The following DLG2 variants were observed in gnomAD, a reference collection of about 807,000 sequenced individuals.
The protein encoded by DLG2 is disks large homolog 2.
DLG2 carries 45 observed loss-of-function variants against 132.5 expected under a neutral mutation model. The ratio of observed to expected loss-of-function variants is 0.34; its 90% CI spans 0.27 to 0.44. DLG2 has a LOEUF of 0.44. Ranked by LOEUF, DLG2 falls within the 20% of genes least tolerant of loss-of-function variation. The pLI, the probability that DLG2 is intolerant of heterozygous loss-of-function variation, is 1.00. For synonymous variants in DLG2, 424 were observed against 419.6 expected, an observed-to-expected ratio of 1.01 and a Z score of -0.13; for missense variants, 1,045 against 1,196.9, an observed-to-expected ratio of 0.87 and a Z score of 1.87.
chr11:84,200,704 T>C (rs2096580662), intron 8 of DLG2, among the ~76,000 whole-genome samples: 1 of 152,130 alleles, frequency 6.6e-6, no homozygotes, highest in Non-Finnish European at 1.5e-5. Context: ...ATTCTTTTTG[T>C]AGCAATTCTG....
intron 7 of DLG2, among the ~76,000 whole-genome samples, chr11:84,351,452 T>C (rs191530207): frequency 6.6e-6 from 1 of 152,322 alleles, no homozygotes; most frequent in East Asian, 1.9e-4. Flanking sequence ...GTAAACTTTA[T>C]ATAAATAAAT....
At chr11:84,175,009 G>A (rs1383517319) in intron 8 of DLG2, among the ~76,000 whole-genome samples, 2 of 152,096 alleles carry the variant, frequency 1.3e-5, no homozygotes, top group Non-Finnish European at 2.9e-5. Context: ...GCTTTCATAA[G>A]CAATGTGAAA....
chr11:84,490,789 C>A (rs2099162929), intron 7 of DLG2, among the ~76,000 whole-genome samples: 1 of 151,720 alleles, frequency 6.6e-6, no homozygotes, highest in South Asian at 2.1e-4. Context: ...CAAATGGTGC[C>A]CAGTTTTCTT....
intron 6 of DLG2, among the ~76,000 whole-genome samples, chr11:84,824,600 C>T (rs1402992427): frequency 6.6e-6 from 1 of 151,882 alleles, no homozygotes; most frequent in Non-Finnish European, 1.5e-5. Context: ...CCTGTTTTCA[C>T]AGGATCTTTA....
intron 3 of DLG2, among the ~76,000 whole-genome samples, chr11:85,299,674 G>C (rs199896041): frequency 6.6e-6 from 1 of 152,050 alleles, no homozygotes; most frequent in Non-Finnish European, 1.5e-5. Context: ...AAATTTTATT[G>C]TGCACCAAAA....
intron 6 of DLG2, among the ~76,000 whole-genome samples, chr11:84,744,055 C>G (rs1004063043): frequency 6.6e-6 from 1 of 152,032 alleles, no homozygotes; most frequent in South Asian, 2.1e-4. Flanking sequence ...TTGAATCACA[C>G]GTTTCTCTCT....
chr11:83,488,582 G>A (rs1195278357), intron 21 of DLG2, among the ~76,000 whole-genome samples: 1 of 151,956 alleles, frequency 6.6e-6, no homozygotes, highest in Non-Finnish European at 1.5e-5. Context: ...CTAGGGACAT[G>A]TTTTACTTTT....
At chr11:84,276,112 T>C (rs551888170) in intron 7 of DLG2, among the ~76,000 whole-genome samples, 56 of 152,322 alleles carry the variant, frequency 3.7e-4, no homozygotes, top group African/African-American at 1.3e-3. Flanking sequence ...AGCTTCCTAT[T>C]CTTGATGCTA....
chr11:83,624,561 A>C (rs543410036), intron 19 of DLG2, among the ~76,000 whole-genome samples: 1 of 152,346 alleles, frequency 6.6e-6, no homozygotes, highest in South Asian at 2.1e-4. Flanking sequence ...AGAAGGCACC[A>C]GTTTAGGAGG....
At chr11:85,242,654 T>A (rs2075945262) in intron 4 of DLG2, among the ~76,000 whole-genome samples, 1 of 151,732 alleles carries the variant, frequency 6.6e-6, no homozygotes, top group Non-Finnish European at 1.5e-5. Flanking sequence ...CCATCTGTTA[T>A]GTTCTTTATT....
At chr11:84,536,322 A>T (rs1166660842) in intron 6 of DLG2, among the ~76,000 whole-genome samples, 1 of 152,128 alleles carries the variant, frequency 6.6e-6, no homozygotes, top group African/African-American at 2.4e-5. Context: ...AGATCATTGC[A>T]GTCTGAATCC....
chr11:84,964,889 T>C (rs2053110921), intron 6 of DLG2, among the ~76,000 whole-genome samples: 2 of 152,062 alleles, frequency 1.3e-5, no homozygotes, highest in African/African-American at 4.8e-5. Context: ...GATATGTGAA[T>C]AAAATACACA....
chr11:83,740,233 G>T (rs944449270), intron 18 of DLG2, among the ~76,000 whole-genome samples: 3 of 152,098 alleles, frequency 2.0e-5, no homozygotes, highest in Non-Finnish European at 4.4e-5. Flanking sequence ...GTTAATAATA[G>T]TTAAGTACAG....
chr11:84,549,477 G>A (rs546667988), intron 6 of DLG2, among the ~76,000 whole-genome samples: 2 of 152,244 alleles, frequency 1.3e-5, no homozygotes, highest in South Asian at 4.2e-4. Flanking sequence ...CCAGAAAAGA[G>A]GAAATGTTCA....
At chr11:84,243,407 C>T (rs1188999504) in intron 8 of DLG2, among the ~76,000 whole-genome samples, 2 of 151,988 alleles carry the variant, frequency 1.3e-5, no homozygotes, top group Admixed American at 1.3e-4. Flanking sequence ...ATAAATAGAG[C>T]TCTTTCCTTA....
intron 7 of DLG2, among the ~76,000 whole-genome samples, chr11:84,407,490 G>A (rs1420823816): frequency 6.6e-6 from 1 of 151,996 alleles, no homozygotes; most frequent in African/African-American, 2.4e-5. Context: ...CTGTTCCCCT[G>A]GCCTGCTTCC....
intron 5 of DLG2, among the ~76,000 whole-genome samples, chr11:85,135,619 G>T (rs1360701616): frequency 6.6e-6 from 1 of 152,194 alleles, no homozygotes; most frequent in East Asian, 1.9e-4. Context: ...ATAGGTTCTA[G>T]AATACCTTAG....
intron 11 of DLG2, among the ~76,000 whole-genome samples, chr11:84,020,585 G>T (rs1283175445): frequency 6.6e-6 from 1 of 152,164 alleles, no homozygotes; most frequent in Non-Finnish European, 1.5e-5. Flanking sequence ...TCACTGTCAA[G>T]GACAGACACA....
At chr11:84,396,814 T>C (rs892899028) in intron 7 of DLG2, among the ~76,000 whole-genome samples, 1 of 152,190 alleles carries the variant, frequency 6.6e-6, no homozygotes, top group Non-Finnish European at 1.5e-5. Context: ...GGAAAATCTG[T>C]AAAGTTCTTT....
Sources: allele counts gnomAD v4.1 joint callset (sites outside exome capture counted in the v4.1 genomes callset), GRCh38; gene constraint gnomAD v4.1.1; transcripts MANE v1.5; gene names NCBI Gene and HGNC (gene_info 2026-07-23, HGNC 2026-07-21).